APH1B: variants seen among roughly 807,000 people sequenced by gnomAD.
APH1B encodes the protein aph-1B gamma-secretase subunit.
APH1B carries 27 observed loss-of-function variants against 28.2 expected under a neutral mutation model. That is an observed-to-expected ratio of 0.96 (90% CI 0.70 to 1.32). The LOEUF (loss-of-function observed/expected upper bound fraction) is 1.32, where lower values mean the gene tolerates loss of function less well. APH1B is among the 40% of genes most tolerant of loss of function. APH1B has a pLI of 0.00. For synonymous variants in APH1B, 141 were observed against 124.6 expected, an observed-to-expected ratio of 1.13 and a Z score of -0.88; for missense variants, 305 against 313.6, an observed-to-expected ratio of 0.97 and a Z score of 0.21.
intron 2 of APH1B, among the ~76,000 whole-genome samples, chr15:63,281,758 C>T (rs889397110): frequency 1.3e-5 from 2 of 151,340 alleles, no homozygotes; most frequent in Non-Finnish European, 2.9e-5. Context: ...ATTATTGTTC[C>T]TCTTTTTTTT....
In APH1B at chr15:63,302,334, C is replaced by G; in HGVS notation, c.479-11C>G. 1 of 1,613,204 alleles carries G rather than the reference C, an allele frequency of 6.2e-7. No homozygotes were observed. The highest frequency in any genetic ancestry group is 1.1e-5 in the South Asian group (1 of 90,936). On this transcript the variant is annotated splice_polypyrimidine_tract_variant and intron_variant, in intron 4 of 5. Transcript: ENST00000261879. Reference sequence around the variant, plus strand: ...CTGTAGGAGTGACACTAATGGTCGGCTCTCTTTCAGCTTTCATGACGCTGG... The same window carrying G: ...CTGTAGGAGTGACACTAATGGTCGGGTCTCTTTCAGCTTTCATGACGCTGG...
At chr15:63,298,612 G>A (rs2038592388) in intron 4 of APH1B, among the ~76,000 whole-genome samples, 1 of 152,200 alleles carries the variant, frequency 6.6e-6, no homozygotes, top group South Asian at 2.1e-4. Flanking sequence ...ACAACTCACT[G>A]AGAACTCTGG....
chr15:63,281,048 A>T (rs1233807104), intron 2 of APH1B, among the ~76,000 whole-genome samples: 1 of 151,990 alleles, frequency 6.6e-6, no homozygotes, highest in African/African-American at 2.4e-5. Context: ...AGGTGGGAGG[A>T]TCACTTGAAT....
chr15:63,300,210 C>G (rs1360264793), intron 4 of APH1B, among the ~76,000 whole-genome samples: 1 of 152,014 alleles, frequency 6.6e-6, no homozygotes, highest in Non-Finnish European at 1.5e-5. Context: ...CTTTAAGCAG[C>G]TGTGCCTATT....
chr15:63,279,429 C>T (rs776107777), intron 2 of APH1B, 98 bp downstream of exon 2: 10 of 1,132,730 alleles, frequency 8.8e-6, no homozygotes, highest in Non-Finnish European at 1.2e-5. Context: ...TCTATGCCCT[C>T]CTACATAGTA....
intron 5 of APH1B, among the ~76,000 whole-genome samples, chr15:63,302,863 G>T (rs1039346007): frequency 6.6e-6 from 1 of 152,086 alleles, no homozygotes; most frequent in African/African-American, 2.4e-5. Context: ...ATTTAATATA[G>T]TTTTTATCTC....
At chr15:63,286,055 G>A (rs1191488862) in intron 2 of APH1B, among the ~76,000 whole-genome samples, 1 of 152,174 alleles carries the variant, frequency 6.6e-6, no homozygotes, top group Non-Finnish European at 1.5e-5. Flanking sequence ...TGCCTGAAGT[G>A]GACTCTGAAG....
At chr15:63,292,976 G>A (rs2038521326) in intron 4 of APH1B, among the ~76,000 whole-genome samples, 1 of 152,082 alleles carries the variant, frequency 6.6e-6, no homozygotes, top group Non-Finnish European at 1.5e-5. Flanking sequence ...AGGCCACACT[G>A]AATCACTGAT....
intron 2 of APH1B, among the ~76,000 whole-genome samples, chr15:63,284,136 T>G (rs930046447): frequency 6.6e-6 from 1 of 152,210 alleles, no homozygotes; most frequent in Admixed American, 6.5e-5. Flanking sequence ...TTAACTTTGT[T>G]GTTGTTTTTT....
chr15:63,279,696 G>C (rs2038364703), intron 2 of APH1B, among the ~76,000 whole-genome samples: 1 of 152,026 alleles, frequency 6.6e-6, no homozygotes. Flanking sequence ...TAGTAGGTAA[G>C]TGTCATGGAG....
intron 4 of APH1B, among the ~76,000 whole-genome samples, chr15:63,289,839 C>A (rs776466297): frequency 6.6e-6 from 1 of 152,074 alleles, no homozygotes; most frequent in Non-Finnish European, 1.5e-5. Flanking sequence ...CTTGTCTCTA[C>A]TAAAAATTAA....
Position 63,286,545 on chromosome 15 carries a change from G to C in APH1B, c.285-13G>C. ...TTTTTTTCTTCTTAATTACATGTGT[G>C]GTTTTATTTTAGAAAAGCCAGTGAA... On this transcript the variant is annotated splice_polypyrimidine_tract_variant and intron_variant, in intron 2 of 5. Transcript: ENST00000261879. 1 of 1,518,276 alleles carries C rather than the reference G, an allele frequency of 6.6e-7. No individual in the cohort carries two copies. Among genetic ancestry groups the C allele is most frequent in the Non-Finnish European group, 8.9e-7 (1 of 1,128,520 alleles). The allele number at this position is 1,518,276 out of a possible 1,614,324, so 94.1% of individuals were successfully genotyped here.
chr15:63,307,321 A>G lies in APH1B; in HGVS notation c.*1540A>G, dbSNP rs558901603. ...AACCTTACTCATGAACTAGACCTTT[A>G]TCGATATCAGTGAACCCCCATGTTT... On this transcript the variant is annotated 3_prime_UTR_variant, in exon 6 of 6. Transcript: ENST00000261879. 2.8e-4 allele frequency: 43 copies of G among 152,344 alleles called. No homozygotes were observed. The highest frequency in any genetic ancestry group is 5.4e-4 in the Non-Finnish European group (37 of 68,030). 9.4% of individuals were successfully genotyped at this position (152,344 alleles called of 1,614,324 possible).
intron 2 of APH1B, among the ~76,000 whole-genome samples, chr15:63,280,379 A>G (rs376818996): frequency 1.4e-4 from 21 of 152,288 alleles, no homozygotes; most frequent in Admixed American, 4.6e-4. Flanking sequence ...GTAAGTCTTA[A>G]TAGAGTGATA....
chr15:63,284,969 G>A (rs1250941111), intron 2 of APH1B, among the ~76,000 whole-genome samples: 1 of 152,154 alleles, frequency 6.6e-6, no homozygotes, highest in African/African-American at 2.4e-5. Context: ...TGTCCCATAA[G>A]CTTTAATTCA....
chr15:63,304,822 G>A lies in APH1B; in HGVS notation c.607-792G>A, dbSNP rs905469191. 1.3e-5 allele frequency among the ~76,000 whole-genome samples: 2 copies of A among 152,212 alleles called. No homozygotes were observed. The highest frequency in any genetic ancestry group is 4.8e-5 in the African/African-American group (2 of 41,458). On this transcript the variant is annotated intron_variant, in intron 5 of 5. Coordinates refer to ENST00000261879, the MANE Select transcript of APH1B (RefSeq NM_031301.4). The surrounding 1 kb of genome is among the most constrained non-coding windows in gnomAD (Gnocchi z 5.1). ...CTGTAAAATGAGTTAAAATTCAGTGGATTTGAGGTATAGAATTATTGTGAA... is the reference window on the plus strand; with the variant it reads ...CTGTAAAATGAGTTAAAATTCAGTGAATTTGAGGTATAGAATTATTGTGAA...
At position 63,304,954 on chromosome 15, in the gene APH1B, G is replaced by A. The variant is rs1341569757; in HGVS notation, c.607-660G>A. On this transcript the variant is annotated intron_variant, in intron 5 of 5. Transcript: ENST00000261879. The surrounding 1 kb of genome is among the most constrained non-coding windows in gnomAD (Gnocchi z 5.1). The stretch of plus-strand genomic sequence containing the variant: ...CTGTAAAATCTACCACTTTCTTCAG[G>A]CCTTCTTTGACAGCCCTAAGGAGAT... 6.6e-6 allele frequency among the ~76,000 whole-genome samples: 1 copy of A among 152,126 alleles called. No homozygotes were observed. The highest frequency in any genetic ancestry group is 1.5e-5 in the Non-Finnish European group (1 of 68,026).
Position 63,305,810 on chromosome 15 carries a change from C to T in APH1B, c.*29C>T. ...CAGGGAACCAGCACTTCCCAAACCG[C>T]AGACTACATCTTTAGAGGAAGCACA... On this transcript the variant is annotated 3_prime_UTR_variant, in exon 6 of 6. Transcript: ENST00000261879. The T allele has an allele frequency of 1.3e-6, 2 of 1,594,676 alleles. No homozygotes were observed. Among genetic ancestry groups the T allele is most frequent in the Non-Finnish European group, 1.7e-6 (2 of 1,173,846 alleles).
Position 63,286,563 on chromosome 15 carries a change from C to A in APH1B, c.290C>A (p.Ala97Asp). The A allele has an allele frequency of 1.3e-6, 2 of 1,584,580 alleles. No individual in the cohort carries two copies. Among genetic ancestry groups the A allele is most frequent in the South Asian group, 1.2e-5 (1 of 84,828 alleles). ...RFAYYKLLKK[A>D]SEGLKSINPG... Reference sequence around the variant, plus strand: ...CATGTGTGGTTTTATTTTAGAAAAGCCAGTGAAGGTTTGAAGAGTATAAAC... The same window carrying A: ...CATGTGTGGTTTTATTTTAGAAAAGACAGTGAAGGTTTGAAGAGTATAAAC... Residue 97 changes from alanine (A) to aspartate (D), a missense_variant, in exon 3 of 6, where the codon GCC (alanine) becomes GAC (aspartate). Physicochemically the swap from Ala to Asp is moderately radical, Grantham distance 126. Coordinates refer to ENST00000261879, the MANE Select transcript of APH1B (RefSeq NM_031301.4).
Sources: allele counts gnomAD v4.1 joint callset (sites outside exome capture counted in the v4.1 genomes callset), GRCh38; gene constraint gnomAD v4.1.1; non-coding constraint Gnocchi (gnomAD v3.1); transcripts MANE v1.5; gene names NCBI Gene and HGNC (gene_info 2026-07-23, HGNC 2026-07-21).